Variants in CAMK1D observed in about 807,000 individuals in gnomAD.
CAMK1D encodes calcium/calmodulin dependent protein kinase ID, also known as calcium/calmodulin-dependent protein kinase type 1D.
In CAMK1D, 9 loss-of-function variants were observed where a neutral mutation model predicts 47.7. The ratio of observed to expected loss-of-function variants is 0.19; its 90% confidence interval spans 0.11 to 0.33. The LOEUF is 0.33. Among genes scored for constraint, CAMK1D ranks in the 10% least tolerant of loss-of-function variants. CAMK1D has a pLI of 1.00. For missense variants in CAMK1D, 291 were observed against 488.7 expected (o/e 0.60, Z 3.81); for synonymous variants, 184 against 184.9 (o/e 0.99, Z 0.04).
intron 2 of CAMK1D, among the ~76,000 whole-genome samples, chr10:12,618,201 A>G (rs1838882980): frequency 6.6e-6 from 1 of 152,100 alleles, no homozygotes; most frequent in African/African-American, 2.4e-5. Context: ...GATATCCACT[A>G]TAATGGACTT....
At chr10:12,814,439 TG>T in intron 7 of CAMK1D, 132 bp downstream of exon 7, 1 of 552,602 alleles carries the variant, frequency 1.8e-6, no homozygotes, top group South Asian at 2.6e-5. Flanking sequence ...GGTTGGCTGC[TG>T]TAACAAGATA....
chr10:12,599,979 C>T (rs1838254253), intron 2 of CAMK1D, among the ~76,000 whole-genome samples: 1 of 152,112 alleles, frequency 6.6e-6, no homozygotes, highest in African/African-American at 2.4e-5. Flanking sequence ...GTGGCGTGTT[C>T]CTGTAGTCCT....
rs1833144587 is a variant in CAMK1D, at chr10:12,825,003, C to T, written c.921+451C>T. On this transcript the variant is annotated intron_variant, in intron 9 of 10. Transcript: ENST00000619168. ...TCTCTTGATTACCTGACCTCCCCTC[C>T]GTGTTCCAATCAGCAATGGCAATTC... Among the ~76,000 whole-genome samples, 5 of 152,112 alleles carry T rather than the reference C, an allele frequency of 3.3e-5. No individual in the cohort carries two copies. In the South Asian group the frequency reaches 1.0e-3, roughly 31 times the overall value.
chr10:12,380,185 A>G (rs1838300083), intron 1 of CAMK1D, among the ~76,000 whole-genome samples: 1 of 152,130 alleles, frequency 6.6e-6, no homozygotes, highest in Admixed American at 6.6e-5. Context: ...ACTGCACTCC[A>G]GCCTGGGTGA....
At position 12,829,082 on chromosome 10, in the gene CAMK1D, C is replaced by T. The variant is rs542247458; in HGVS notation, c.*195C>T. 148 of 539,430 alleles carry T rather than the reference C, an allele frequency of 2.7e-4. No individual in the cohort carries two copies. The highest frequency in any genetic ancestry group is 4.6e-4 in the Non-Finnish European group (140 of 305,638). 33.4% of individuals were successfully genotyped at this position (539,430 alleles called of 1,614,324 possible). A position where few individuals can be genotyped will look rare whatever the true frequency, so the allele number is the denominator to read the frequency against. On this transcript the variant is annotated 3_prime_UTR_variant, in exon 11 of 11. Coordinates refer to ENST00000619168, the MANE Select transcript of CAMK1D (RefSeq NM_153498.4). ...GTTCATTTCTCACAAACTGTACTGA[C>T]TCGAGGGGCGCTGATTTCATAGGAT...
intron 2 of CAMK1D, among the ~76,000 whole-genome samples, chr10:12,602,569 T>C (rs1441156351): frequency 2.4e-4 from 36 of 152,088 alleles, no homozygotes; most frequent in Non-Finnish European, 4.4e-5. Context: ...GAGAAGAGAG[T>C]GGGCAGCTTC....
chr10:12,521,244 T>C (rs1835407286), intron 1 of CAMK1D, among the ~76,000 whole-genome samples: 1 of 152,326 alleles, frequency 6.6e-6, no homozygotes, highest in Admixed American at 6.5e-5. Context: ...TTATTTCTCA[T>C]ATAAGCACTT....
At chr10:12,667,802 C>T (rs1184588823) in intron 3 of CAMK1D, among the ~76,000 whole-genome samples, 1 of 152,158 alleles carries the variant, frequency 6.6e-6, no homozygotes, top group Non-Finnish European at 1.5e-5. Flanking sequence ...AATGTTTGAA[C>T]AACACATTAA....
chr10:12,572,512 T>C (rs1837359243), intron 2 of CAMK1D, among the ~76,000 whole-genome samples: 1 of 152,076 alleles, frequency 6.6e-6, no homozygotes, highest in Non-Finnish European at 1.5e-5. Context: ...TGTGGTGGTG[T>C]GTGGGATGGG....
chr10:12,367,568 C>T lies in CAMK1D; in HGVS notation c.92+17658C>T, dbSNP rs58123805. Among the ~76,000 whole-genome samples the T allele has an allele frequency of 2.2e-3, 330 of 151,670 alleles. 8 individuals carry two copies. The East Asian group carries it at 0.06, about 28-fold the overall frequency. On this transcript the variant is annotated intron_variant, in intron 1 of 10. Transcript: ENST00000619168. Reference sequence around the variant, plus strand: ...CCGTAATGTAGAATCAGTGCGAGGCCCTGTGCTTGTTTTCCTGCAAGCCAC... The same window carrying T: ...CCGTAATGTAGAATCAGTGCGAGGCTCTGTGCTTGTTTTCCTGCAAGCCAC...
chr10:12,574,479 T>TA (rs1837430171), intron 2 of CAMK1D, among the ~76,000 whole-genome samples: 1 of 128,644 alleles, frequency 7.8e-6, no homozygotes, highest in African/African-American at 3.0e-5. Context: ...TTTTTTTTTT[T>TA]TTTTTTTTTT....
chr10:12,617,975 C>G (rs192589868), intron 2 of CAMK1D, among the ~76,000 whole-genome samples: 14 of 152,314 alleles, frequency 9.2e-5, no homozygotes, highest in Non-Finnish European at 1.2e-4. Context: ...TCAGAATTAT[C>G]TCTTTAATTG....
chr10:12,630,292 C>T (rs1004527217), intron 2 of CAMK1D, among the ~76,000 whole-genome samples: 1 of 151,898 alleles, frequency 6.6e-6, no homozygotes, highest in African/African-American at 2.4e-5. Context: ...CTTAAATCCC[C>T]CTTCTGCCCA....
At chr10:12,478,460 C>G (rs1420785102) in intron 1 of CAMK1D, among the ~76,000 whole-genome samples, 1 of 151,982 alleles carries the variant, frequency 6.6e-6, no homozygotes, top group African/African-American at 2.4e-5. Flanking sequence ...TACCACCATC[C>G]TGTCTAATTT....
chr10:12,722,317 G>A (rs141493082), intron 3 of CAMK1D, among the ~76,000 whole-genome samples: 10 of 151,408 alleles, frequency 6.6e-5, no homozygotes, highest in African/African-American at 9.7e-5. Flanking sequence ...TTGGTGGTGG[G>A]TGCCTGTAGT....
At chr10:12,781,753 G>A (rs921240776) in intron 5 of CAMK1D, among the ~76,000 whole-genome samples, 2 of 151,606 alleles carry the variant, frequency 1.3e-5, no homozygotes, top group Non-Finnish European at 2.9e-5. Flanking sequence ...CCAGGTTCAA[G>A]CGATTCTCCT....
At chr10:12,398,974 C>A (rs551748835) in intron 1 of CAMK1D, among the ~76,000 whole-genome samples, 45 of 152,128 alleles carry the variant, frequency 3.0e-4, no homozygotes, top group Non-Finnish European at 4.4e-4. Context: ...GTTCTTTGGA[C>A]TCTTGCCGAT....
intron 2 of CAMK1D, among the ~76,000 whole-genome samples, chr10:12,560,540 G>A (rs75780931): frequency 0.034 from 4,401 of 131,224 alleles, 111 homozygotes; most frequent in Non-Finnish European, 0.049. Context: ...GCAACGAGAG[G>A]AAAACTCTAT....
chr10:12,732,604 G>A (rs111944704), intron 3 of CAMK1D, among the ~76,000 whole-genome samples: 50 of 152,020 alleles, frequency 3.3e-4, no homozygotes, highest in African/African-American at 1.1e-3. Flanking sequence ...ATCAGATCTC[G>A]TGAGATTTAT....
Sources: gnomAD v4.1 joint callset for allele counts (sites outside exome capture counted in the v4.1 genomes callset) on GRCh38, gnomAD v4.1.1 for gene constraint, MANE v1.5 for transcripts, NCBI Gene and HGNC (gene_info 2026-07-23, HGNC 2026-07-21) for gene names.